Variants in GABRA1 observed in about 807,000 individuals in gnomAD.
The protein encoded by GABRA1 is gamma-aminobutyric acid type A receptor subunit alpha1.
A neutral mutation model predicts 48.9 loss-of-function variants in GABRA1; 9 were observed. That is an observed-to-expected ratio of 0.18 (90% CI 0.11 to 0.32). The LOEUF is 0.32. Among genes scored for constraint, GABRA1 ranks in the 10% least tolerant of loss-of-function variants. The pLI is 1.00. For missense variants in GABRA1, 285 were observed against 553.8 expected (o/e 0.51, Z 4.87); for synonymous variants, 210 against 198.7 (o/e 1.06, Z -0.48).
At chr5:161,861,360 C>A (rs1016756509) in intron 3 of GABRA1, among the ~76,000 whole-genome samples, 2 of 151,850 alleles carry the variant, frequency 1.3e-5, no homozygotes, top group East Asian at 3.9e-4. Context: ...ATTGCTCCAA[C>A]AGCAAAATAT....
upstream of GABRA1, chr5:161,847,837 T>A (rs1444589959): frequency 1.3e-5 from 2 of 152,142 alleles, no homozygotes; most frequent in African/African-American, 4.8e-5. Flanking sequence ...CACCTTAAAA[T>A]CGGGTGTTCA....
At chr5:161,875,479 C>T (rs1320427968) in intron 5 of GABRA1, 81 bp from the exon 6 acceptor site, 1 of 1,079,392 alleles carries the variant, frequency 9.3e-7, no homozygotes, top group Non-Finnish European at 1.4e-6. Flanking sequence ...ATATTTGCTA[C>T]AGTTAATAAC....
intron 7 of GABRA1, among the ~76,000 whole-genome samples, chr5:161,886,889 C>T (rs1488154604): frequency 6.6e-6 from 1 of 152,060 alleles, no homozygotes; most frequent in Non-Finnish European, 1.5e-5. Flanking sequence ...GGTGGCATAA[C>T]CCCTTGTCTC....
chr5:161,858,721 G>A (rs1757744221), intron 3 of GABRA1, among the ~76,000 whole-genome samples: 1 of 151,756 alleles, frequency 6.6e-6, no homozygotes, highest in Admixed American at 6.6e-5. Flanking sequence ...ACATGCTATA[G>A]CTGAAGGAAT....
chr5:161,859,967 C>G lies in GABRA1; in HGVS notation c.187+5697C>G, dbSNP rs114043722. 5.7e-3 allele frequency among the ~76,000 whole-genome samples: 864 copies of G among 151,740 alleles called. 9 individuals carry two copies. Among genetic ancestry groups the G allele is most frequent in the African/African-American group, 0.019 (805 of 41,452 alleles). ...GAATCCTTCCTTTTGAATTTGCTGTCGTTTTCTCTGTGGCTTTTAATGCAA... is the reference window on the plus strand; with the variant it reads ...GAATCCTTCCTTTTGAATTTGCTGTGGTTTTCTCTGTGGCTTTTAATGCAA... On this transcript the variant is annotated intron_variant, in intron 3 of 9. Transcript: ENST00000393943.
chr5:161,859,440 T>C (rs578022995), intron 3 of GABRA1, among the ~76,000 whole-genome samples: 177 of 151,834 alleles, frequency 1.2e-3, no homozygotes, highest in Non-Finnish European at 1.8e-3. Context: ...TCTTAGGGAA[T>C]TGGCTTGGGT....
At chr5:161,890,258 C>A (rs1305505253) in intron 7 of GABRA1, among the ~76,000 whole-genome samples, 1 of 151,996 alleles carries the variant, frequency 6.6e-6, no homozygotes, top group East Asian at 1.9e-4. Flanking sequence ...CCTGACCTTT[C>A]AAAGAATGGT....
chr5:161,895,870 TA>T lies in GABRA1; in HGVS notation c.1059+5del. On this transcript the variant is annotated splice_donor_region_variant and intron_variant, in intron 9 of 9. Transcript: ENST00000393943. ...GGCAAAAGTGTGGTTCCAGAAAAGGTAAATGCTTTAATGGTCACTGTAGTAC... is the reference window on the plus strand; with the variant it reads ...GGCAAAAGTGTGGTTCCAGAAAAGGTAATGCTTTAATGGTCACTGTAGTAC... The T allele has an allele frequency of 6.2e-7, 1 of 1,610,470 alleles. No homozygotes were observed. The highest frequency in any genetic ancestry group is 8.5e-7 in the Non-Finnish European group (1 of 1,176,700).
intron 7 of GABRA1, among the ~76,000 whole-genome samples, chr5:161,885,617 T>C (rs1754810452): frequency 6.6e-6 from 1 of 152,190 alleles, no homozygotes; most frequent in African/African-American, 2.4e-5. Flanking sequence ...GGCAAGAAGA[T>C]GGAAATCCTA....
chr5:161,864,285 G>A (rs953066167), intron 3 of GABRA1, among the ~76,000 whole-genome samples: 1 of 151,898 alleles, frequency 6.6e-6, no homozygotes, highest in Non-Finnish European at 1.5e-5. Context: ...CATGTGCCAC[G>A]CTGGTGCGCT....
intron 3 of GABRA1, among the ~76,000 whole-genome samples, chr5:161,858,107 T>C (rs1488050953): frequency 6.6e-6 from 1 of 151,494 alleles, no homozygotes; most frequent in Non-Finnish European, 1.5e-5. Context: ...GGAATTAATC[T>C]CATGAGCCTG....
At chr5:161,865,530 A>C (rs954677997) in intron 3 of GABRA1, among the ~76,000 whole-genome samples, 191 bp from the exon 4 acceptor site, 7 of 152,144 alleles carry the variant, frequency 4.6e-5, no homozygotes, top group African/African-American at 1.7e-4. Flanking sequence ...TTTAGGCTTC[A>C]TTCTCCATAG....
At chr5:161,895,964 C>T in intron 9 of GABRA1, 96 bp downstream of exon 9, 3 of 1,007,378 alleles carry the variant, frequency 3.0e-6, no homozygotes, top group South Asian at 2.6e-5. Flanking sequence ...ATGGAGTATG[C>T]AGAATAATAA....
In GABRA1 at chr5:161,895,863, G is replaced by C; in HGVS notation, c.1054G>C (p.Glu352Gln). 1 of 1,613,466 alleles carries C rather than the reference G, an allele frequency of 6.2e-7. No homozygotes were observed. Reference protein sequence around the residue: ...YAWDGKSVVPEKPKKVKDPLI... With the variant: ...YAWDGKSVVPQKPKKVKDPLI... ...ATGGGATGGCAAAAGTGTGGTTCCAGAAAAGGTAAATGCTTTAATGGTCAC... is the reference window on the plus strand; with the variant it reads ...ATGGGATGGCAAAAGTGTGGTTCCACAAAAGGTAAATGCTTTAATGGTCAC... The change falls in exon 9 of 10, where the codon GAA (glutamate) becomes CAA (glutamine). Residue 352 changes from glutamate (E) to glutamine (Q), a missense_variant. Glu to Gln is a conservative substitution (Grantham distance 29). This residue lies in a region of GABRA1 where 99 missense variants were observed against 94.2 expected (regional missense o/e 1.05). Transcript: ENST00000393943.
chr5:161,857,561 A>C (rs1757698422), intron 3 of GABRA1, among the ~76,000 whole-genome samples: 1 of 151,646 alleles, frequency 6.6e-6, no homozygotes, highest in Non-Finnish European at 1.5e-5. Flanking sequence ...AACTGCAAAT[A>C]AAAGGATGAC....
At chr5:161,871,430 T>C (rs1178503464) in intron 4 of GABRA1, among the ~76,000 whole-genome samples, 1 of 152,134 alleles carries the variant, frequency 6.6e-6, no homozygotes, top group Non-Finnish European at 1.5e-5. Context: ...TCACATATTA[T>C]ATCCCTACCT....
At chr5:161,868,687 G>A (rs1448853290) in intron 4 of GABRA1, among the ~76,000 whole-genome samples, 1 of 152,066 alleles carries the variant, frequency 6.6e-6, no homozygotes, top group Non-Finnish European at 1.5e-5. Context: ...TGTCCAATAG[G>A]AGTTGTTAAA....
rs1312353220 is a variant in GABRA1, at chr5:161,898,058, C to A, written c.*636C>A. The A allele has an allele frequency of 6.6e-6, 1 of 151,328 alleles. No homozygotes were observed. The highest frequency in any genetic ancestry group is 1.5e-5 in the Non-Finnish European group (1 of 67,918). The allele number at this position is 151,328 out of a possible 1,614,324, so 9.4% of individuals were successfully genotyped here. On this transcript the variant is annotated 3_prime_UTR_variant, in exon 10 of 10. Coordinates refer to ENST00000393943, the MANE Select transcript of GABRA1 (RefSeq NM_001127644.2). ...TTTTAAAATTCATGGAACTTTCATA[C>A]GTAAAGGTGCAGTTGCTCATTGTAG...
intron 3 of GABRA1, among the ~76,000 whole-genome samples, chr5:161,861,665 AG>A (rs1250225421): frequency 6.6e-6 from 1 of 151,828 alleles, no homozygotes; most frequent in Non-Finnish European, 1.5e-5. Context: ...TGTTTTTCTG[AG>A]GCATTAATTG....
Sources: allele counts gnomAD v4.1 joint callset (sites outside exome capture counted in the v4.1 genomes callset), GRCh38; gene constraint gnomAD v4.1.1; regional missense constraint gnomAD v4.1.1; transcripts MANE v1.5; gene names NCBI Gene and HGNC (gene_info 2026-07-23, HGNC 2026-07-21).